Variants in SCFD2 observed in about 807,000 individuals in gnomAD.
SCFD2 encodes the protein sec1 family domain-containing protein 2.
A neutral mutation model predicts 58.9 loss-of-function variants in SCFD2; 54 were observed. That is an observed-to-expected ratio of 0.92 (90% CI 0.74 to 1.15). The LOEUF (loss-of-function observed/expected upper bound fraction) is 1.15. Ranked by LOEUF, SCFD2 falls within the 50% of genes most tolerant of loss-of-function variation. SCFD2 has a pLI of 0.00. For missense variants in SCFD2, 805 were observed against 836.6 expected, an observed-to-expected ratio of 0.96 and a Z score of 0.47; for synonymous variants, 321 against 335.9, an observed-to-expected ratio of 0.96 and a Z score of 0.49.
chr4:53,113,516 T>C (rs1388822256), intron 5 of SCFD2, among the ~76,000 whole-genome samples: 8 of 152,128 alleles, frequency 5.3e-5, no homozygotes, highest in Admixed American at 5.2e-4. Context: ...GTTAAGGCTG[T>C]TATTTCAAAA....
intron 5 of SCFD2, among the ~76,000 whole-genome samples, chr4:52,947,308 G>A (rs565491771): frequency 1.6e-4 from 25 of 152,062 alleles, no homozygotes; most frequent in Non-Finnish European, 2.8e-4. Context: ...AGCGAGCTCC[G>A]GCCTTCATAG....
intron 2 of SCFD2, among the ~76,000 whole-genome samples, chr4:53,335,202 AAAAAAAAAAAACAAC>A: frequency 6.9e-6 from 1 of 145,876 alleles, no homozygotes; most frequent in African/African-American, 2.7e-5. Flanking sequence ...CTCAAAAAAA[AAAAAAAAAAAACAAC>A]AAAAAAAAAA....
chr4:53,269,663 C>A (rs1253431496), intron 4 of SCFD2, among the ~76,000 whole-genome samples: 1 of 152,036 alleles, frequency 6.6e-6, no homozygotes, highest in African/African-American at 2.4e-5. Flanking sequence ...AAAAGTAAAA[C>A]CCTAACTGAC....
At chr4:52,887,737 C>A (rs1420637935) in intron 7 of SCFD2, among the ~76,000 whole-genome samples, 1 of 152,094 alleles carries the variant, frequency 6.6e-6, no homozygotes, top group African/African-American at 2.4e-5. Flanking sequence ...AGTGTTCTTG[C>A]CCAACACAAC....
intron 3 of SCFD2, among the ~76,000 whole-genome samples, chr4:53,312,051 G>GT (rs769466305): frequency 1.4e-4 from 22 of 152,212 alleles, no homozygotes; most frequent in Non-Finnish European, 2.9e-4. Context: ...GAGAGAAGGG[G>GT]ATGGGAGATG....
At chr4:52,976,644 C>T (rs1577874175) in intron 5 of SCFD2, among the ~76,000 whole-genome samples, 1 of 152,170 alleles carries the variant, frequency 6.6e-6, no homozygotes, top group East Asian at 1.9e-4. Context: ...CGGATGTTCC[C>T]AGTGACCCAA....
intron 5 of SCFD2, among the ~76,000 whole-genome samples, chr4:53,122,823 C>T (rs911980014): frequency 2.6e-5 from 4 of 152,134 alleles, no homozygotes; most frequent in African/African-American, 9.7e-5. Flanking sequence ...CAGTAAATGG[C>T]AGCTGTACTT....
chr4:53,240,607 T>C (rs1729862878), intron 4 of SCFD2, among the ~76,000 whole-genome samples: 1 of 152,222 alleles, frequency 6.6e-6, no homozygotes, highest in Non-Finnish European at 1.5e-5. Flanking sequence ...TGTCCAAAAA[T>C]ATTTAAAACA....
At chr4:53,259,909 G>GTT (rs2149052586) in intron 4 of SCFD2, among the ~76,000 whole-genome samples, 1 of 149,954 alleles carries the variant, frequency 6.7e-6, no homozygotes, top group African/African-American at 2.4e-5. Context: ...GTGTTTTGTA[G>GTT]TTTACCTTGC....
Position 53,335,211 on chromosome 4 carries a change from A to AAAC in SCFD2, c.1007+17384_1007+17386dup, listed in dbSNP as rs1553901544. Among the ~76,000 whole-genome samples the AAAC allele has an allele frequency of 5.0e-3, 692 of 138,434 alleles. 14 individuals are homozygous for AAAC. Among genetic ancestry groups the AAAC allele is most frequent in the African/African-American group, 0.014 (475 of 34,754 alleles). The allele number at this position is 138,434 out of a possible 152,430, so 90.8% of individuals were successfully genotyped here. A position where few individuals can be genotyped will look rare whatever the true frequency, so the allele number is the denominator to read the frequency against. ...CTCCGTCTCAAAAAAAAAAAAAAAA[A>AAAC]AACAACAAAAAAAAAAACAACAACA... On this transcript the variant is annotated intron_variant, in intron 2 of 8. Transcript: ENST00000401642.
intron 4 of SCFD2, among the ~76,000 whole-genome samples, chr4:53,251,540 C>A (rs1343175397): frequency 1.3e-5 from 2 of 152,098 alleles, no homozygotes; most frequent in Admixed American, 6.6e-5. Flanking sequence ...CCACCATGAT[C>A]AAATGGGCTT....
intron 5 of SCFD2, among the ~76,000 whole-genome samples, chr4:53,110,209 A>G (rs1725129179): frequency 6.6e-6 from 1 of 152,192 alleles, no homozygotes; most frequent in Admixed American, 6.5e-5. Flanking sequence ...CTGAAACTGG[A>G]TCCCTTCCTT....
chr4:53,247,919 G>A (rs1282226924), intron 4 of SCFD2, among the ~76,000 whole-genome samples: 2 of 150,958 alleles, frequency 1.3e-5, no homozygotes, highest in East Asian at 1.9e-4. Flanking sequence ...TGGGGGAGGA[G>A]CCAAGATGGC....
chr4:52,915,245 C>A (rs1025883031), intron 6 of SCFD2, among the ~76,000 whole-genome samples: 1 of 152,192 alleles, frequency 6.6e-6, no homozygotes, highest in African/African-American at 2.4e-5. Flanking sequence ...ACAGTCACAT[C>A]TCCATCAGCT....
chr4:53,357,428 C>CA (rs35837415), intron 1 of SCFD2, among the ~76,000 whole-genome samples: 20,434 of 139,904 alleles, frequency 0.15, 2,717 homozygotes, highest in African/African-American at 0.35. Context: ...GACTCTGTCT[C>CA]AAAAAAAAAA....
At chr4:52,876,252 T>C (rs1168748230) in intron 8 of SCFD2, among the ~76,000 whole-genome samples, 1 of 152,086 alleles carries the variant, frequency 6.6e-6, no homozygotes, top group Non-Finnish European at 1.5e-5. Flanking sequence ...TTACATAAGA[T>C]CGTGTATGTG....
At chr4:53,272,402 G>T (rs987950680) in intron 4 of SCFD2, among the ~76,000 whole-genome samples, 3 of 152,146 alleles carry the variant, frequency 2.0e-5, no homozygotes, top group Non-Finnish European at 1.5e-5. Context: ...ACATGCACAC[G>T]TATGTTTATT....
At chr4:53,325,079 C>A (rs1224402249) in intron 2 of SCFD2, among the ~76,000 whole-genome samples, 3 of 152,274 alleles carry the variant, frequency 2.0e-5, no homozygotes, top group East Asian at 3.9e-4. Context: ...CCTTGCAATA[C>A]TCCTTTTCTC....
chr4:53,115,022 TA>T (rs1267119533), intron 5 of SCFD2, among the ~76,000 whole-genome samples: 1 of 151,960 alleles, frequency 6.6e-6, no homozygotes, highest in Admixed American at 6.6e-5. Flanking sequence ...AATGGAGTAT[TA>T]AAAAAATGTT....
Sources: gnomAD v4.1 joint callset for allele counts (sites outside exome capture counted in the v4.1 genomes callset) on GRCh38, gnomAD v4.1.1 for gene constraint, MANE v1.5 for transcripts, NCBI Gene and HGNC (gene_info 2026-07-23, HGNC 2026-07-21) for gene names.